The following NARS2 variants were observed in gnomAD, a reference collection of about 807,000 sequenced individuals.
NARS2 encodes asparaginyl-tRNA synthetase 2, mitochondrial, also known as asparaginyl-tRNA synthetase.
A neutral mutation model predicts 62.9 loss-of-function variants in NARS2; 60 were observed. The observed-to-expected ratio is 0.95, with a 90% CI of 0.77 to 1.18. NARS2 has a LOEUF of 1.18. Ranked by LOEUF, NARS2 falls within the 50% of genes most tolerant of loss-of-function variation. The probability of loss-of-function intolerance (pLI) is 0.00; values close to 1 mark genes in which losing one functional copy is unlikely to be tolerated. For missense variants in NARS2, 619 were observed against 576.4 expected (o/e 1.07, Z -0.76); for synonymous variants, 196 against 200.0 (o/e 0.98, Z 0.17).
chr11:78,465,235 C>T (rs1858570246), intron 11 of NARS2, among the ~76,000 whole-genome samples: 1 of 152,256 alleles, frequency 6.6e-6, no homozygotes, highest in African/African-American at 2.4e-5. Context: ...CTGGAACTCG[C>T]ACTGGCCCGC....
intron 9 of NARS2, among the ~76,000 whole-genome samples, chr11:78,472,901 G>C (rs1316027334): frequency 1.3e-5 from 2 of 152,188 alleles, no homozygotes; most frequent in Non-Finnish European, 2.9e-5. Flanking sequence ...TTCTCAACTT[G>C]ATACCTCTGA....
At chr11:78,519,428 T>C (rs557222272) in intron 6 of NARS2, among the ~76,000 whole-genome samples, 1 of 152,286 alleles carries the variant, frequency 6.6e-6, no homozygotes, top group African/African-American at 2.4e-5. Flanking sequence ...AAAAATAAAC[T>C]TGAGGAAGAA....
intron 5 of NARS2, among the ~76,000 whole-genome samples, chr11:78,531,827 A>G (rs2135434230): frequency 6.6e-6 from 1 of 152,338 alleles, no homozygotes; most frequent in East Asian, 1.9e-4. Flanking sequence ...CATACAGAAT[A>G]GGTAAATCCA....
intron 11 of NARS2, among the ~76,000 whole-genome samples, chr11:78,456,944 A>G (rs1445857148): frequency 1.3e-5 from 2 of 152,232 alleles, no homozygotes; most frequent in African/African-American, 4.8e-5. Flanking sequence ...AGTCTTATCC[A>G]TGCATATGAA....
In NARS2 at chr11:78,476,112, G is replaced by C. The variant is rs111926649; in HGVS notation, c.959+2326C>G. Among the ~76,000 whole-genome samples the C allele has an allele frequency of 8.6e-3, 1,309 of 152,248 alleles. 26 individuals carry two copies. Among genetic ancestry groups the C allele is most frequent in the African/African-American group, 0.03 (1,258 of 41,544 alleles). On this transcript the variant is annotated intron_variant, in intron 9 of 13. Transcript: ENST00000281038. ...GCTAGGTGGGGTGGCTGCCCTGTAGGGGCTCAAACCAGATAGACTTTCCTA... is the reference window on the plus strand; with the variant it reads ...GCTAGGTGGGGTGGCTGCCCTGTAGCGGCTCAAACCAGATAGACTTTCCTA...
intron 4 of NARS2, among the ~76,000 whole-genome samples, chr11:78,561,413 C>T (rs1434399559): frequency 6.6e-6 from 1 of 152,152 alleles, no homozygotes. Context: ...TGTCCCGCAG[C>T]AAAGGGGCTC....
intron 11 of NARS2, among the ~76,000 whole-genome samples, chr11:78,447,034 C>T (rs1335486251): frequency 7.1e-6 from 1 of 141,200 alleles, no homozygotes; most frequent in African/African-American, 2.8e-5. Flanking sequence ...AGGAACTGAA[C>T]AGACATTTCT....
At chr11:78,469,865 G>T (rs1174184583) in intron 9 of NARS2, among the ~76,000 whole-genome samples, 1 of 152,146 alleles carries the variant, frequency 6.6e-6, no homozygotes, top group African/African-American at 2.4e-5. Flanking sequence ...GAATAAGAAG[G>T]CAGAGGGGGT....
intron 13 of NARS2, among the ~76,000 whole-genome samples, chr11:78,440,834 A>T (rs184641477): frequency 6.6e-6 from 1 of 152,354 alleles, no homozygotes; most frequent in African/African-American, 2.4e-5. Flanking sequence ...CGCCCAGCCA[A>T]TATACATAAA....
At chr11:78,545,090 CACAG>C (rs1855807381) in intron 5 of NARS2, among the ~76,000 whole-genome samples, 1 of 152,098 alleles carries the variant, frequency 6.6e-6, no homozygotes, top group Admixed American at 6.6e-5. Context: ...TCTTCTAGAC[CACAG>C]TATTTACATA....
At chr11:78,514,780 G>A (rs1411537414) in intron 6 of NARS2, among the ~76,000 whole-genome samples, 1 of 152,090 alleles carries the variant, frequency 6.6e-6, no homozygotes, top group Non-Finnish European at 1.5e-5. Flanking sequence ...ATTTCCAAAG[G>A]CGGCAAGCAG....
intron 11 of NARS2, among the ~76,000 whole-genome samples, chr11:78,458,906 GTTTT>G (rs897526853): frequency 2.7e-5 from 4 of 146,942 alleles, no homozygotes; most frequent in East Asian, 4.0e-4. Context: ...CTGATGGTGG[GTTTT>G]TTTTTTGTTT....
intron 5 of NARS2, among the ~76,000 whole-genome samples, chr11:78,535,145 A>G (rs1861624857): frequency 6.6e-6 from 1 of 152,242 alleles, no homozygotes; most frequent in African/African-American, 2.4e-5. Context: ...TCAACCAGAA[A>G]TAAACTGCAG....
chr11:78,565,640 G>C (rs1221209103), intron 4 of NARS2, among the ~76,000 whole-genome samples: 1 of 152,180 alleles, frequency 6.6e-6, no homozygotes, highest in Non-Finnish European at 1.5e-5. Flanking sequence ...GTATTAGGTA[G>C]ATCAGTGCAT....
intron 5 of NARS2, among the ~76,000 whole-genome samples, chr11:78,550,830 T>C (rs1856073637): frequency 6.6e-6 from 1 of 152,178 alleles, no homozygotes; most frequent in Admixed American, 6.5e-5. Flanking sequence ...AAAGGTTATG[T>C]AGAAACAATA....
intron 9 of NARS2, 73 bp from the exon 10 acceptor site, chr11:78,469,386 G>A (rs1858770096): frequency 9.2e-7 from 1 of 1,085,016 alleles, no homozygotes; most frequent in Admixed American, 1.7e-5. Context: ...TTTAAAACCA[G>A]AAAAAGCGTA....
At chr11:78,438,459 A>AGGACC (rs1262496729) in intron 13 of NARS2, among the ~76,000 whole-genome samples, 1 of 152,210 alleles carries the variant, frequency 6.6e-6, no homozygotes, top group Non-Finnish European at 1.5e-5. Flanking sequence ...AGATGCCTAC[A>AGGACC]GGACCTGACC....
intron 12 of NARS2, 77 bp from the exon 13 acceptor site, chr11:78,441,194 G>A: frequency 1.5e-6 from 2 of 1,348,068 alleles, no homozygotes; most frequent in South Asian, 1.2e-5. Context: ...TATTCTGGGT[G>A]TGTGCAAAGA....
intron 6 of NARS2, among the ~76,000 whole-genome samples, chr11:78,501,655 T>C (rs1316300244): frequency 6.6e-6 from 1 of 152,192 alleles, no homozygotes; most frequent in East Asian, 1.9e-4. Flanking sequence ...TTAATATACT[T>C]TTTAAAAGGT....
Sources: gnomAD v4.1 joint callset for allele counts (sites outside exome capture counted in the v4.1 genomes callset) on GRCh38, gnomAD v4.1.1 for gene constraint, MANE v1.5 for transcripts, NCBI Gene and HGNC (gene_info 2026-07-23, HGNC 2026-07-21) for gene names.